The following RAP1GAP variants were observed in gnomAD, a reference collection of about 807,000 sequenced individuals.
The protein encoded by RAP1GAP is RAP1 GTPase activating protein.
RAP1GAP carries 35 observed loss-of-function variants against 87.2 expected under a neutral mutation model. The ratio of observed to expected loss-of-function variants is 0.40; its 90% confidence interval spans 0.31 to 0.53. The LOEUF (loss-of-function observed/expected upper bound fraction) is 0.53. Ranked by LOEUF, RAP1GAP falls within the 20% of genes least tolerant of loss-of-function variation. RAP1GAP has a pLI of 0.48. For synonymous variants in RAP1GAP, 375 were observed against 363.9 expected (o/e 1.03, Z -0.35); for missense variants, 734 against 898.9 (o/e 0.82, Z 2.35).
At position 21,657,147 on chromosome 1, in the gene RAP1GAP, C is replaced by T. The variant is rs539286984; in HGVS notation, c.-148-7351G>A. ...CATGCAAAGAGTCATCTAACTCATG[C>T]CTGTAGAGATCACATCAAGATCAAA... is the stretch of plus-strand genomic sequence containing the variant. On this transcript the variant is annotated intron_variant, in intron 1 of 24. Coordinates refer to ENST00000374765, the MANE Select transcript of RAP1GAP (RefSeq NM_002885.4). Among the ~76,000 whole-genome samples the T allele has an allele frequency of 1.3e-4, 20 of 152,326 alleles. No individual in the cohort carries two copies. In the South Asian group the frequency reaches 3.7e-3, roughly 28 times the overall value.
chr1:21,626,206 CT>C, intron 3 of RAP1GAP, 97 bp downstream of exon 3: 1 of 1,130,652 alleles, frequency 8.8e-7, no homozygotes, highest in Non-Finnish European at 1.3e-6. Flanking sequence ...AACATTTTAC[CT>C]TTGCCCAAAA....
chr1:21,665,353 C>T, intron 1 of RAP1GAP: 1 of 427,594 alleles, frequency 2.3e-6, no homozygotes, highest in Non-Finnish European at 4.9e-6. Flanking sequence ...CTCTTTGAGC[C>T]TCACCTCCTC....
intron 2 of RAP1GAP, among the ~76,000 whole-genome samples, chr1:21,630,466 G>A (rs1353328124): frequency 6.6e-6 from 1 of 151,710 alleles, no homozygotes; most frequent in Non-Finnish European, 1.5e-5. Context: ...ATGTTACCCA[G>A]GCTGGTCTGG....
chr1:21,644,967 T>C (rs1014698855), intron 2 of RAP1GAP, among the ~76,000 whole-genome samples: 1 of 151,418 alleles, frequency 6.6e-6, no homozygotes, highest in Non-Finnish European at 1.5e-5. Flanking sequence ...TCAGAGGTTG[T>C]TTCCTTGTCT....
Position 21,669,143 on chromosome 1 carries a change from C to A in RAP1GAP, c.-149+111G>T. 8.7e-7 allele frequency: 1 copy of A among 1,145,214 alleles called. No homozygotes were observed. Among genetic ancestry groups the A allele is most frequent in the Non-Finnish European group, 1.1e-6 (1 of 910,798 alleles). 70.9% of individuals were successfully genotyped at this position (1,145,214 alleles called of 1,614,324 possible). A position where few individuals can be genotyped will look rare whatever the true frequency, so the allele number is the denominator to read the frequency against. Reference sequence around the variant, plus strand: ...CGGGTCCCCCACGCGTTCGCCCCCACCCTCCGTCCCCGCCCGCCCGCGCGG... The same window carrying A: ...CGGGTCCCCCACGCGTTCGCCCCCAACCTCCGTCCCCGCCCGCCCGCGCGG... On this transcript the variant is annotated intron_variant, in intron 1 of 24. Transcript: ENST00000374765. This position sits in a 1 kb window ranked among gnomAD's most constrained non-coding sequence, Gnocchi z 5.6.
chr1:21,617,498 A>T lies in RAP1GAP; in HGVS notation c.106-7T>A. ...GTCCTTCTCGCCCCAAGACCTGAAG[A>T]GGGACTCAGCTGAGAGCCACCCCAC... On this transcript the variant is annotated splice_region_variant and splice_polypyrimidine_tract_variant and intron_variant, in intron 6 of 24. Coordinates refer to ENST00000374765, the MANE Select transcript of RAP1GAP (RefSeq NM_002885.4). 6.3e-7 allele frequency: 1 copy of T among 1,589,048 alleles called. No individual in the cohort carries two copies. Among genetic ancestry groups the T allele is most frequent in the Non-Finnish European group, 8.6e-7 (1 of 1,168,048 alleles).
At chr1:21,651,078 A>G (rs946308389) in intron 1 of RAP1GAP, among the ~76,000 whole-genome samples, 3 of 151,942 alleles carry the variant, frequency 2.0e-5, no homozygotes, top group Non-Finnish European at 4.4e-5. Context: ...CGTCCCTCCA[A>G]TTTGCCAAAT....
Position 21,614,095 on chromosome 1 carries a change from G to A in RAP1GAP, c.292-6C>T, listed in dbSNP as rs747745105. 3.8e-6 allele frequency: 6 copies of A among 1,575,990 alleles called. No homozygotes were observed. Among genetic ancestry groups the A allele is most frequent in the Non-Finnish European group, 5.2e-6 (6 of 1,150,170 alleles). On this transcript the variant is annotated splice_polypyrimidine_tract_variant and splice_region_variant and intron_variant, in intron 7 of 24. Transcript: ENST00000374765. ...GAGTAGTAATTGAAATGCTCCTGCA[G>A]TGGGAGGTGGGGGCCAGGGGAGTGG...
At chr1:21,618,043 C>G in intron 5 of RAP1GAP, 71 bp from the exon 6 acceptor site, 1 of 1,584,252 alleles carries the variant, frequency 6.3e-7, no homozygotes, top group Non-Finnish European at 8.7e-7. Flanking sequence ...CTGGCCTCTG[C>G]TTGGCCAGCC....
intron 1 of RAP1GAP, 68 bp from the exon 2 acceptor site, chr1:21,649,864 A>C: frequency 2.2e-5 from 33 of 1,470,474 alleles, no homozygotes; most frequent in Non-Finnish European, 3.0e-5. Flanking sequence ...CCAGCATATC[A>C]CACCCACCTG....
At chr1:21,651,238 G>C (rs1259669547) in intron 1 of RAP1GAP, among the ~76,000 whole-genome samples, 1 of 152,206 alleles carries the variant, frequency 6.6e-6, no homozygotes, top group East Asian at 1.9e-4. Flanking sequence ...ATGCAGGAAG[G>C]AGGGCAGCCT....
At position 21,615,306 on chromosome 1, in the gene RAP1GAP, C is replaced by G. The variant is rs74060025; in HGVS notation, c.292-1217G>C. ...AGCACCTGGCTGCTTCCCCCATTAC[C>G]CCACCTGGAGTCAGGAAGGGGCCCT... is the stretch of plus-strand genomic sequence containing the variant. On this transcript the variant is annotated intron_variant, in intron 7 of 24. Transcript: ENST00000374765. This position sits in a 1 kb window ranked among gnomAD's most constrained non-coding sequence, Gnocchi z 4.5. Among the ~76,000 whole-genome samples the G allele has an allele frequency of 0.017, 2,611 of 152,320 alleles. 29 individuals are homozygous for G. The highest frequency in any genetic ancestry group is 0.028 in the African/African-American group (1,159 of 41,558).
rs1212477762 is a variant in RAP1GAP at position 21,598,603 on chromosome 1, C to T, written c.1777-101G>A. On this transcript the variant is annotated intron_variant, in intron 21 of 24. Transcript: ENST00000374765. ...CTCCCTCACTGCATTCCACAACCCC[C>T]CACCCGTACCCTCTGCGAGGAGGAC... 11 of 952,680 alleles carry T rather than the reference C, an allele frequency of 1.2e-5. No homozygotes were observed. The African/African-American group carries it at 1.8e-4, about 15-fold the overall frequency. The allele number at this position is 952,680 out of a possible 1,614,324, so 59.0% of individuals were successfully genotyped here.
chr1:21,646,965 C>A (rs1434652704), intron 2 of RAP1GAP, among the ~76,000 whole-genome samples: 2 of 152,174 alleles, frequency 1.3e-5, no homozygotes, highest in African/African-American at 2.4e-5. Flanking sequence ...TCCTTTAATC[C>A]AAGTCCTAAC....
rs537791563 is a variant in RAP1GAP, at chr1:21,609,721, T to C, written c.1000-75A>G. 6.8e-4 allele frequency: 776 copies of C among 1,149,552 alleles called. 4 individuals are homozygous for C. In the South Asian group the frequency reaches 0.012, roughly 17 times the overall value. 71.2% of individuals were successfully genotyped at this position (1,149,552 alleles called of 1,614,324 possible). On this transcript the variant is annotated intron_variant, in intron 14 of 24. Transcript: ENST00000374765. This position sits in a 1 kb window ranked among gnomAD's most constrained non-coding sequence, Gnocchi z 4.4. ...GCCCCACCCAGCCAGAAACCCCTACTGTGCCTCCCTGGACTGCCCCTTGGT... is the reference window on the plus strand; with the variant it reads ...GCCCCACCCAGCCAGAAACCCCTACCGTGCCTCCCTGGACTGCCCCTTGGT...
intron 1 of RAP1GAP, among the ~76,000 whole-genome samples, chr1:21,663,479 G>A (rs1158171767): frequency 2.6e-5 from 4 of 152,184 alleles, no homozygotes; most frequent in Admixed American, 6.5e-5. Flanking sequence ...GGTCCCTGAC[G>A]CTGCCAACTT....
intron 1 of RAP1GAP, among the ~76,000 whole-genome samples, chr1:21,654,985 CA>C (rs200077650): frequency 0.014 from 2,196 of 151,940 alleles, 55 homozygotes; most frequent in African/African-American, 0.051. Flanking sequence ...TACTAAAACA[CA>C]AAAATCAGCC....
chr1:21,659,410 C>A (rs536098632), intron 1 of RAP1GAP, among the ~76,000 whole-genome samples: 16 of 152,178 alleles, frequency 1.1e-4, no homozygotes, highest in Admixed American at 6.5e-5. Context: ...GCGCTCGCCA[C>A]CCCCCGCACT....
At chr1:21,617,209 C>T (rs544340335) in intron 7 of RAP1GAP, 97 bp downstream of exon 7, 1 of 1,382,692 alleles carries the variant, frequency 7.2e-7, no homozygotes, top group Admixed American at 2.1e-5. Context: ...GTCACCCAGC[C>T]CTGGCCCATG....
Sources: gnomAD v4.1 joint callset for allele counts (sites outside exome capture counted in the v4.1 genomes callset) on GRCh38, gnomAD v4.1.1 for gene constraint, Gnocchi (gnomAD v3.1) non-coding constraint, MANE v1.5 for transcripts, NCBI Gene and HGNC (gene_info 2026-07-23, HGNC 2026-07-21) for gene names.